The following PRRC2C variants were observed in gnomAD, a reference collection of about 807,000 sequenced individuals.
The protein encoded by PRRC2C is proline rich coiled-coil 2C, also known as protein PRRC2C.
In PRRC2C, 72 loss-of-function variants were observed where a neutral mutation model predicts 317.2. The observed-to-expected ratio is 0.23, with a 90% CI of 0.19 to 0.28. PRRC2C has a LOEUF of 0.28. PRRC2C is among the 10% of genes least tolerant of loss of function. PRRC2C has a pLI of 1.00. For missense variants in PRRC2C, 3,074 were observed against 3,459.7 expected (o/e 0.89, Z 2.80); for synonymous variants, 1,296 against 1,205.9 (o/e 1.07, Z -1.55).
At position 171,535,969 on chromosome 1, in the gene PRRC2C, G is replaced by T; in HGVS notation, c.2044-60G>T. 2.0e-6 allele frequency: 3 copies of T among 1,527,352 alleles called. No individual in the cohort carries two copies. In the South Asian group the frequency reaches 3.6e-5, roughly 18 times the overall value. 94.6% of individuals were successfully genotyped at this position (1,527,352 alleles called of 1,614,324 possible). A position where few individuals can be genotyped will look rare whatever the true frequency, so the allele number is the denominator to read the frequency against. ...CAGGCCATTATTTTGTGATATGATT[G>T]ATTATGTTAATTTGTCATGTGGAAC... On this transcript the variant is annotated intron_variant, in intron 13 of 34. Transcript: ENST00000647382.
chr1:171,495,511 C>T (rs1667943163), intron 1 of PRRC2C, among the ~76,000 whole-genome samples: 1 of 152,216 alleles, frequency 6.6e-6, no homozygotes, highest in Non-Finnish European at 1.5e-5. Context: ...ATATTGACCA[C>T]ATTCTTTTAA....
chr1:171,486,220 C>A (rs575280083), intron 1 of PRRC2C, among the ~76,000 whole-genome samples: 1 of 149,372 alleles, frequency 6.7e-6, no homozygotes, highest in Admixed American at 6.8e-5. Flanking sequence ...GTGGGACTTG[C>A]AATGAGCAAT....
chr1:171,546,196 A>C (rs1679091191), intron 17 of PRRC2C, among the ~76,000 whole-genome samples: 1 of 152,252 alleles, frequency 6.6e-6, no homozygotes, highest in South Asian at 2.1e-4. Context: ...AGAGGATCAA[A>C]TATGAAGGAT....
intron 17 of PRRC2C, among the ~76,000 whole-genome samples, chr1:171,547,102 AAAAAC>A (rs1205264912): frequency 3.3e-5 from 5 of 152,140 alleles, no homozygotes; most frequent in African/African-American, 4.8e-5. Context: ...GCATGCCTGT[AAAAAC>A]AAAACAAAAC....
At chr1:171,553,414 T>C (rs1243316717) in intron 18 of PRRC2C, among the ~76,000 whole-genome samples, 1 of 152,128 alleles carries the variant, frequency 6.6e-6, no homozygotes, top group East Asian at 1.9e-4. Flanking sequence ...AAAAACCAGC[T>C]CCTAGATTCA....
Position 171,557,963 on chromosome 1 carries a change from C to T in PRRC2C, c.5851C>T (p.Gln1951Ter). 1 of 1,611,904 alleles carries T rather than the reference C, an allele frequency of 6.2e-7. No homozygotes were observed. The highest frequency in any genetic ancestry group is 8.5e-7 in the Non-Finnish European group (1 of 1,178,994). The change falls in exon 19 of 35, where the codon CAG (glutamine) becomes TAG (stop). Residue 1951 changes from glutamine to a stop codon, truncating the protein, a stop_gained. Transcript: ENST00000647382. LOFTEE classifies it high-confidence loss of function. ...CCAGAATCCACTACAGACTACATCTCAGTCTTCAAAACAACCACCACCATC... is the reference window on the plus strand; with the variant it reads ...CCAGAATCCACTACAGACTACATCTTAGTCTTCAAAACAACCACCACCATC... ...PVQNPLQTTS[Q>*]SSKQPPPSIR...
chr1:171,577,490 C>G lies in PRRC2C; in HGVS notation c.7012C>G (p.Pro2338Ala). ...LSTKSTTTSDPPNICKVKPQQ... is the reference protein window; with the variant it reads ...LSTKSTTTSDAPNICKVKPQQ... ...CACAAAATCTACAACCACATCGGAC[C>G]CTCCAAATATTTGTAAAGTGAAACC... The change falls in exon 26 of 35, where the codon CCT becomes GCT. Residue 2338 changes from proline to alanine, a missense_variant. Pro to Ala is a conservative substitution (Grantham distance 27). This residue lies in a region of PRRC2C where 490 missense variants were observed against 663.1 expected (regional missense o/e 0.74). Coordinates refer to ENST00000647382, the MANE Select transcript of PRRC2C (RefSeq NM_001387844.1). The G allele has an allele frequency of 6.2e-7, 1 of 1,613,068 alleles. No homozygotes were observed.
At position 171,584,488 on chromosome 1, in the gene PRRC2C, T is replaced by A. The variant is rs915288259; in HGVS notation, c.7711T>A (p.Phe2571Ile). 1.9e-6 allele frequency: 3 copies of A among 1,594,438 alleles called. No individual in the cohort carries two copies. Among genetic ancestry groups the A allele is most frequent in the Non-Finnish European group, 2.6e-6 (3 of 1,169,858 alleles). Residue 2571 changes from phenylalanine (F) to isoleucine (I), a missense_variant, in exon 30 of 35, where the codon TTT becomes ATT. Physicochemically the swap from Phe to Ile is conservative, Grantham distance 21 (BLOSUM62 0). Around this residue, in one of 11 missense-constraint regions of PRRC2C, gnomAD observed 490 missense variants for 663.1 expected, o/e 0.74. Coordinates refer to ENST00000647382, the MANE Select transcript of PRRC2C (RefSeq NM_001387844.1). ...AGTACAACAGCCTGGTCAGACAAAT[T>A]TTTATAACACTGCCCAGTCACCAAG... is the stretch of plus-strand genomic sequence containing the variant. ...GQVQQPGQTN[F>I]YNTAQSPSAL...
chr1:171,520,988 T>A (rs1402881861), intron 6 of PRRC2C, among the ~76,000 whole-genome samples: 1 of 151,854 alleles, frequency 6.6e-6, no homozygotes, highest in Non-Finnish European at 1.5e-5. Flanking sequence ...GTATGTTTAG[T>A]AGAGACAGGG....
chr1:171,499,779 G>A (rs1037257904), intron 1 of PRRC2C, among the ~76,000 whole-genome samples: 1 of 152,116 alleles, frequency 6.6e-6, no homozygotes, highest in Admixed American at 6.6e-5. Flanking sequence ...ACTCCAGCCT[G>A]GGCGACAAAG....
At chr1:171,547,648 T>TTG (rs1679388428) in intron 17 of PRRC2C, among the ~76,000 whole-genome samples, 1 of 147,076 alleles carries the variant, frequency 6.8e-6, no homozygotes, top group Non-Finnish European at 1.5e-5. Flanking sequence ...TTTTTTTTGT[T>TTG]TTTTTTTTTT....
rs1306278509 is a variant in PRRC2C, at chr1:171,536,106, C to T, written c.2121C>T (p.Ser707=). ...CACAGACTGTTCCTTCACAACCGTC[C>T]AGTAGTACTGTCCCTCCTCCACCAC... ...VLPQTVPSQP[S]SSTVPPPPHR... Residue 707 remains serine (S), a synonymous_variant, in exon 14 of 35, where the codon TCC becomes TCT. Coordinates refer to ENST00000647382, the MANE Select transcript of PRRC2C (RefSeq NM_001387844.1). The T allele has an allele frequency of 4.5e-6, 7 of 1,565,602 alleles. No homozygotes were observed. Among genetic ancestry groups the T allele is most frequent in the Non-Finnish European group, 6.1e-6 (7 of 1,153,902 alleles).
intron 11 of PRRC2C, among the ~76,000 whole-genome samples, chr1:171,531,050 G>A (rs1262506390): frequency 1.3e-5 from 2 of 152,080 alleles, no homozygotes; most frequent in Non-Finnish European, 2.9e-5. Context: ...GCAGTAAAAT[G>A]GAGCAAACTA....
Position 171,587,014 on chromosome 1 carries a change from TTTAC to T in PRRC2C, c.7762_7765del (p.Leu2588GlnfsTer17). The T allele has an allele frequency of 6.2e-7, 1 of 1,604,028 alleles. No individual in the cohort carries two copies. The highest frequency in any genetic ancestry group is 8.5e-7 in the Non-Finnish European group (1 of 1,174,018). On this transcript the variant is annotated frameshift_variant, in exon 31 of 35. Coordinates refer to ENST00000647382, the MANE Select transcript of PRRC2C (RefSeq NM_001387844.1). LOFTEE classifies it high-confidence loss of function. ...TACTTATTTTCTAGGTTACAGTACCTTTACCAGCATCGCAGCTTTCCTTGCCTAA... is the reference window on the plus strand; with the variant it reads ...TACTTATTTTCTAGGTTACAGTACCTCAGCATCGCAGCTTTCCTTGCCTAA...
At chr1:171,496,211 T>TTTTTTTTTTTTTG (rs1668070812) in intron 1 of PRRC2C, among the ~76,000 whole-genome samples, 1 of 138,218 alleles carries the variant, frequency 7.2e-6, no homozygotes, top group Non-Finnish European at 1.5e-5. Context: ...TTTTTTTTTT[T>TTTTTTTTTTTTTG]TTTTTTTTTT....
chr1:171,513,398 G>A (rs751089129), intron 3 of PRRC2C: 8 of 631,416 alleles, frequency 1.3e-5, no homozygotes, highest in Non-Finnish European at 2.0e-5. Flanking sequence ...TCACAACCTT[G>A]CTTATGTCAT....
intron 18 of PRRC2C, among the ~76,000 whole-genome samples, chr1:171,552,084 C>G (rs1163126622): frequency 6.6e-6 from 1 of 152,150 alleles, no homozygotes; most frequent in Non-Finnish European, 1.5e-5. Context: ...CTGATTCTTT[C>G]TATCCATGAG....
At chr1:171,521,302 T>C (rs1003176184) in intron 6 of PRRC2C, among the ~76,000 whole-genome samples, 1 of 152,228 alleles carries the variant, frequency 6.6e-6, no homozygotes, top group African/African-American at 2.4e-5. Flanking sequence ...ATATAGTCAA[T>C]GACCAAGACA....
At position 171,540,747 on chromosome 1, in the gene PRRC2C, C is replaced by G. The variant is rs1557954270; in HGVS notation, c.3281C>G (p.Thr1094Ser). The G allele has an allele frequency of 6.2e-7, 1 of 1,614,036 alleles. No homozygotes were observed. ...GCAGAGAAATTTCCTTCAACAGAAA[C>G]TGCAACTTTGGCTCAAAAACCATCT... The part of the protein sequence containing the change: ...PEAEKFPSTE[T>S]ATLAQKPSQD... Residue 1094 changes from threonine to serine, a missense_variant, in exon 16 of 35, where the codon ACT (threonine) becomes AGT (serine). By Grantham distance (58) the Thr-to-Ser change is moderately conservative. Coordinates refer to ENST00000647382, the MANE Select transcript of PRRC2C (RefSeq NM_001387844.1).
Sources: gnomAD v4.1 joint callset for allele counts (sites outside exome capture counted in the v4.1 genomes callset) on GRCh38, gnomAD v4.1.1 for gene constraint, gnomAD v4.1.1 regional missense constraint, MANE v1.5 for transcripts, NCBI Gene and HGNC (gene_info 2026-07-23, HGNC 2026-07-21) for gene names.